Variants in RPS6KA3 observed in about 807,000 individuals in gnomAD.
RPS6KA3 encodes ribosomal protein S6 kinase A3.
RPS6KA3 carries 4 observed loss-of-function variants against 67.2 expected under a neutral mutation model. The observed-to-expected ratio is 0.06, with a 90% confidence interval of 0.03 to 0.14. The LOEUF is 0.14. RPS6KA3 is among the 10% of genes least tolerant of loss of function. The pLI is 1.00. For missense variants in RPS6KA3, 204 were observed against 559.0 expected (o/e 0.36, Z 6.40); for synonymous variants, 182 against 183.7 (o/e 0.99, Z 0.07).
chrX:20,229,628 C>T (rs968403724), intron 2 of RPS6KA3, among the ~76,000 whole-genome samples: 1 of 111,820 alleles, frequency 8.9e-6, no homozygotes, highest in Non-Finnish European at 1.9e-5. Flanking sequence ...CTCAACGTTC[C>T]CTATGTAAAT....
At chrX:20,225,370 A>G (rs116115888) in intron 2 of RPS6KA3, among the ~76,000 whole-genome samples, 2,483 of 108,293 alleles carry the variant, frequency 0.023, 78 homozygotes, top group African/African-American at 0.08. Context: ...TGTGCTTGGA[A>G]ATTTTCCTGG....
At chrX:20,234,144 C>T (rs1199265269) in intron 2 of RPS6KA3, among the ~76,000 whole-genome samples, 1 of 112,329 alleles carries the variant, frequency 8.9e-6, no homozygotes, top group African/African-American at 3.2e-5. Flanking sequence ...TTGTCTTTAA[C>T]AAATTTACGT....
rs58040352 is a variant in RPS6KA3, at chrX:20,260,332, A to G, written c.69+6232T>C. On this transcript the variant is annotated intron_variant, in intron 1 of 21. Transcript: ENST00000379565. ...ATACACTATTATTTTATATATTGTT[A>G]AGGAAAAACATGCTGCTAATTAAAC... is the stretch of plus-strand genomic sequence containing the variant. Among the ~76,000 whole-genome samples the G allele has an allele frequency of 2.9e-4, 33 of 112,088 alleles. No homozygotes were observed. The East Asian group carries it at 6.1e-3, about 21-fold the overall frequency.
chrX:20,227,677 G>A (rs1459066869), intron 2 of RPS6KA3, among the ~76,000 whole-genome samples: 1 of 108,590 alleles, frequency 9.2e-6, no homozygotes, highest in African/African-American at 3.4e-5. Flanking sequence ...CCTCATTTTG[G>A]AAAATTGCTT....
chrX:20,237,246 G>C (rs2069434857), intron 1 of RPS6KA3, among the ~76,000 whole-genome samples: 1 of 110,997 alleles, frequency 9.0e-6, no homozygotes, highest in South Asian at 3.7e-4. Context: ...CATTCATCTA[G>C]CAGCCCAAAC....
intron 19 of RPS6KA3, among the ~76,000 whole-genome samples, chrX:20,162,556 T>C (rs1461609287): frequency 1.9e-5 from 2 of 105,382 alleles, no homozygotes; most frequent in East Asian, 6.1e-4. Context: ...AAAAAAAACC[T>C]ACATAGGCCA....
At chrX:20,250,121 T>C (rs1029322303) in intron 1 of RPS6KA3, among the ~76,000 whole-genome samples, 2 of 112,151 alleles carry the variant, frequency 1.8e-5, no homozygotes, top group African/African-American at 6.5e-5. Context: ...TATGTGTGTA[T>C]CCCCTTGCCA....
At chrX:20,166,713 C>CTTTTTTTTT (rs774405280) in intron 17 of RPS6KA3, among the ~76,000 whole-genome samples, 4 of 81,388 alleles carry the variant, frequency 4.9e-5, no homozygotes, top group Admixed American at 1.4e-4. Context: ...GACTTCCCTT[C>CTTTTTTTTT]TTTTTTTTTT....
rs775330276 is a variant in RPS6KA3 at position 20,177,150 on chromosome X, CTTAAA to C, written c.846-71_846-67del. 1.5e-4 allele frequency: 125 copies of C among 817,640 alleles called. No individual in the cohort carries two copies. The highest frequency in any genetic ancestry group is 4.2e-4 in the South Asian group (19 of 45,003). 67.4% of individuals were successfully genotyped at this position (817,640 alleles called of 1,213,427 possible). ...ATCTGTATTTTTATTTTTAAAAATT[CTTAAA>C]TTAAACTTTTTGAGATACTTGTAGA... On this transcript the variant is annotated intron_variant, in intron 10 of 21. Transcript: ENST00000379565.
chrX:20,200,670 A>G (rs1368074107), intron 4 of RPS6KA3, among the ~76,000 whole-genome samples: 1 of 111,366 alleles, frequency 9.0e-6, no homozygotes, highest in Admixed American at 9.6e-5. Flanking sequence ...TAATTTTATA[A>G]CGTTTCTCTA....
intron 14 of RPS6KA3, among the ~76,000 whole-genome samples, chrX:20,173,437 C>T (rs187174066): frequency 1.8e-5 from 2 of 111,972 alleles, no homozygotes; most frequent in East Asian, 5.6e-4. Flanking sequence ...CTCCTTTCTT[C>T]ACCCTGAAGT....
At chrX:20,197,258 A>C (rs1373941227) in intron 4 of RPS6KA3, among the ~76,000 whole-genome samples, 4 of 112,844 alleles carry the variant, frequency 3.5e-5, no homozygotes, top group Non-Finnish European at 7.5e-5. Flanking sequence ...ATTTTGGATT[A>C]GTTCCTATCA....
intron 1 of RPS6KA3, among the ~76,000 whole-genome samples, chrX:20,235,311 C>T (rs1479070056): frequency 1.8e-5 from 2 of 109,271 alleles, no homozygotes; most frequent in Non-Finnish European, 1.9e-5. Context: ...TACAGGTGAA[C>T]AATACTCATG....
intron 1 of RPS6KA3, among the ~76,000 whole-genome samples, chrX:20,247,688 G>C (rs760848272): frequency 6.4e-5 from 7 of 109,151 alleles, no homozygotes; most frequent in African/African-American, 2.3e-4. Flanking sequence ...TTGGGAGGCT[G>C]AGGTAGGAGA....
chrX:20,190,869 C>CTT (rs1209937034), intron 7 of RPS6KA3, among the ~76,000 whole-genome samples: 3 of 102,910 alleles, frequency 2.9e-5, no homozygotes, highest in Non-Finnish European at 2.0e-5. Flanking sequence ...TTTGTACTAA[C>CTT]TTTTTTTTTT....
intron 3 of RPS6KA3, among the ~76,000 whole-genome samples, chrX:20,204,991 G>A (rs1173541333): frequency 8.9e-6 from 1 of 112,150 alleles, no homozygotes; most frequent in Non-Finnish European, 1.9e-5. Flanking sequence ...AATATTTAAT[G>A]TGACTTAAGT....
At chrX:20,200,947 T>C (rs1305894076) in intron 4 of RPS6KA3, among the ~76,000 whole-genome samples, 1 of 109,950 alleles carries the variant, frequency 9.1e-6, no homozygotes, top group African/African-American at 3.3e-5. Context: ...CCTCCCAAAG[T>C]GCTGAAATTA....
intron 1 of RPS6KA3, 21 bp from the exon 2 acceptor site, chrX:20,234,835 AG>A: frequency 1.7e-6 from 2 of 1,162,139 alleles, no homozygotes; most frequent in Non-Finnish European, 2.4e-6. Context: ...CACAGCAAGC[AG>A]GAAGTTACCA....
intron 15 of RPS6KA3, among the ~76,000 whole-genome samples, chrX:20,170,848 C>T (rs1314913827): frequency 9.0e-6 from 1 of 111,020 alleles, no homozygotes; most frequent in Admixed American, 9.6e-5. Context: ...GCACATAGCT[C>T]ACTGCAGCCT....
Sources: gnomAD v4.1 joint callset for allele counts (sites outside exome capture counted in the v4.1 genomes callset) on GRCh38, gnomAD v4.1.1 for gene constraint, MANE v1.5 for transcripts, NCBI Gene and HGNC (gene_info 2026-07-23, HGNC 2026-07-21) for gene names.